Variants in NAALADL2 observed in about 807,000 individuals in gnomAD.
NAALADL2 encodes the protein inactive N-acetylated-alpha-linked acidic dipeptidase-like protein 2.
In NAALADL2, 76 loss-of-function variants were observed where a neutral mutation model predicts 87.2. The observed-to-expected ratio is 0.87, with a 90% CI of 0.72 to 1.05. The LOEUF is 1.05. Ranked by LOEUF, NAALADL2 falls within the 50% of genes least tolerant of loss-of-function variation. The probability of loss-of-function intolerance (pLI) is 0.00; values close to 1 mark genes in which losing one functional copy is unlikely to be tolerated. For synonymous variants in NAALADL2, 354 were observed against 331.0 expected (o/e 1.07, Z -0.75); for missense variants, 1,089 against 945.8 (o/e 1.15, Z -1.99).
chr3:174,824,256 T>C (rs1309531487), intron 3 of NAALADL2, among the ~76,000 whole-genome samples: 1 of 152,180 alleles, frequency 6.6e-6, no homozygotes, highest in Non-Finnish European at 1.5e-5. Flanking sequence ...ATTTATTAAA[T>C]AGTAGATATA....
intron 11 of NAALADL2, among the ~76,000 whole-genome samples, chr3:175,725,490 A>G (rs1358950072): frequency 6.6e-6 from 1 of 152,110 alleles, no homozygotes; most frequent in Non-Finnish European, 1.5e-5. Flanking sequence ...CAAAAGTTAT[A>G]ATCCTGGTAG....
At chr3:174,894,310 G>C (rs1187943595) in intron 1 of NAALADL2, among the ~76,000 whole-genome samples, 1 of 152,018 alleles carries the variant, frequency 6.6e-6, no homozygotes, top group Non-Finnish European at 1.5e-5. Context: ...AGAAAATCAG[G>C]CCGGGCACAA....
chr3:175,644,190 A>AT (rs1171962017), intron 11 of NAALADL2, among the ~76,000 whole-genome samples: 1 of 152,018 alleles, frequency 6.6e-6, no homozygotes, highest in African/African-American at 2.4e-5. Context: ...CTGGCTATAA[A>AT]TTTTTTGTCA....
intron 2 of NAALADL2, among the ~76,000 whole-genome samples, chr3:174,555,348 G>C (rs1242772599): frequency 1.3e-5 from 2 of 152,158 alleles, no homozygotes; most frequent in Non-Finnish European, 2.9e-5. Flanking sequence ...CGCCCAGCCT[G>C]GAGTGCAATG....
intron 9 of NAALADL2, among the ~76,000 whole-genome samples, chr3:175,525,746 A>T (rs10513734): frequency 0.013 from 1,997 of 152,210 alleles, 48 homozygotes; most frequent in African/African-American, 0.046. Context: ...TGACTATAGA[A>T]CACCTAATTA....
intron 9 of NAALADL2, among the ~76,000 whole-genome samples, chr3:175,558,732 G>T (rs1715771374): frequency 6.6e-6 from 1 of 152,076 alleles, no homozygotes; most frequent in Admixed American, 6.6e-5. Context: ...TGATTTTACT[G>T]TATATGTATG....
intron 11 of NAALADL2, among the ~76,000 whole-genome samples, chr3:175,650,634 A>T (rs1730643427): frequency 6.6e-6 from 1 of 152,102 alleles, no homozygotes; most frequent in Non-Finnish European, 1.5e-5. Flanking sequence ...CGAAATGATG[A>T]TTGGTTTCTG....
At chr3:175,369,431 T>G (rs1326011530) in intron 5 of NAALADL2, 1 of 150,852 alleles carries the variant, frequency 6.6e-6, no homozygotes, top group Non-Finnish European at 1.5e-5. Context: ...TGTGTGCGTG[T>G]GTGTACATAT....
At chr3:175,567,935 C>T (rs529352590) in intron 9 of NAALADL2, among the ~76,000 whole-genome samples, 7 of 152,078 alleles carry the variant, frequency 4.6e-5, no homozygotes, top group South Asian at 2.1e-4. Flanking sequence ...AGGCTGGTCT[C>T]GAACTCCTGG....
Position 175,769,508 on chromosome 3 carries a change from G to A in NAALADL2, c.2189+14090G>A, listed in dbSNP as rs1443161892. The stretch of plus-strand genomic sequence containing the variant: ...TCAGGGCCTTTAATATCTCATTATA[G>A]GTAGATTGTAACATACTTTTTATCT... On this transcript the variant is annotated intron_variant, in intron 13 of 13. Coordinates refer to ENST00000454872, the MANE Select transcript of NAALADL2 (RefSeq NM_207015.3). Among the ~76,000 whole-genome samples the A allele has an allele frequency of 2.6e-5, 4 of 152,248 alleles. No homozygotes were observed. In the East Asian group the frequency reaches 5.8e-4, roughly 22 times the overall value.
chr3:175,303,586 T>C (rs1581332443), intron 4 of NAALADL2, among the ~76,000 whole-genome samples: 4 of 152,318 alleles, frequency 2.6e-5, no homozygotes, highest in African/African-American at 9.6e-5. Context: ...ATTAGTTTCT[T>C]TTTAAGATTT....
chr3:175,615,615 T>TG (rs1322117727), intron 10 of NAALADL2, among the ~76,000 whole-genome samples: 1 of 151,850 alleles, frequency 6.6e-6, no homozygotes, highest in Admixed American at 6.6e-5. Context: ...CCCAGCACCT[T>TG]GGGGGGCCAA....
chr3:174,721,698 G>A (rs1731728250), intron 2 of NAALADL2, among the ~76,000 whole-genome samples: 1 of 152,124 alleles, frequency 6.6e-6, no homozygotes, highest in Non-Finnish European at 1.5e-5. Context: ...CAAAACAAAA[G>A]AATCCTGGCT....
In NAALADL2 at chr3:174,669,247, G is replaced by A. The variant is rs1048081742; in HGVS notation, c.-114-68394G>A. Among the ~76,000 whole-genome samples the A allele has an allele frequency of 8.8e-5, 10 of 113,546 alleles. No individual in the cohort carries two copies. The East Asian group carries it at 1.5e-3, about 17-fold the overall frequency. 74.5% of individuals were successfully genotyped at this position (113,546 alleles called of 152,430 possible). A position where few individuals can be genotyped will look rare whatever the true frequency, so the allele number is the denominator to read the frequency against. On this transcript the variant is annotated intron_variant, in intron 2 of 3. Coordinates refer to the NAALADL2 transcript ENST00000434257. ...TGAGAAGTGTCTGTTCATATCCTTC[G>A]CCTACTTTTTGATGGGGTTTTTTTT...
intron 5 of NAALADL2, among the ~76,000 whole-genome samples, chr3:175,348,002 T>C (rs1305077598): frequency 6.6e-6 from 1 of 152,116 alleles, no homozygotes; most frequent in Non-Finnish European, 1.5e-5. Context: ...TTAGGTTTCC[T>C]GTGTTAGTTT....
chr3:175,709,714 A>G (rs1413743444), intron 11 of NAALADL2, among the ~76,000 whole-genome samples: 2 of 152,140 alleles, frequency 1.3e-5, no homozygotes, highest in East Asian at 1.9e-4. Flanking sequence ...CACAAACCTC[A>G]GCAAATCAAA....
intron 1 of NAALADL2, among the ~76,000 whole-genome samples, chr3:175,055,466 T>G (rs542873600): frequency 1.1e-3 from 166 of 152,322 alleles, no homozygotes; most frequent in African/African-American, 3.7e-3. Context: ...GGCAGAAGGC[T>G]CACAGCTTTT....
At chr3:175,556,778 A>C (rs1582387397) in intron 9 of NAALADL2, among the ~76,000 whole-genome samples, 1 of 152,218 alleles carries the variant, frequency 6.6e-6, no homozygotes, top group African/African-American at 2.4e-5. Flanking sequence ...AATAGTAGCA[A>C]TTCACTTGAT....
intron 10 of NAALADL2, among the ~76,000 whole-genome samples, chr3:175,593,104 C>T (rs1334874120): frequency 1.3e-5 from 2 of 151,852 alleles, no homozygotes; most frequent in Non-Finnish European, 2.9e-5. Flanking sequence ...ACCAATCAAC[C>T]CATCACCTAG....
Sources: allele counts gnomAD v4.1 joint callset (sites outside exome capture counted in the v4.1 genomes callset), GRCh38; gene constraint gnomAD v4.1.1; transcripts MANE v1.5; gene names NCBI Gene and HGNC (gene_info 2026-07-23, HGNC 2026-07-21).